Variants in OR2C1 observed in about 807,000 individuals in gnomAD.
The protein encoded by OR2C1 is olfactory receptor 2C1.
For synonymous variants in OR2C1, 209 were observed against 167.3 expected (o/e 1.25, Z -1.92); for missense variants, 468 against 388.3 (o/e 1.21, Z -1.73).
At chr16:3,325,188 G>T in the OR2C1 span, among the ~76,000 whole-genome samples, 5 of 151,684 alleles carry the variant, frequency 3.3e-5, no homozygotes, top group Admixed American at 3.3e-4. Context: ...CACCATGTTG[G>T]CCAGGCTGGT....
At chr16:3,345,842 TCCTCCCTC>T in the OR2C1 span, among the ~76,000 whole-genome samples, 2 of 117,178 alleles carry the variant, frequency 1.7e-5, no homozygotes, top group African/African-American at 3.4e-5. Flanking sequence ...CCTCCTTCCT[TCCTCCCTC>T]CCTCCCTCCC....
chr16:3,333,210 CATTTTTTTTT>C, the OR2C1 span, among the ~76,000 whole-genome samples: 1,977 of 32,864 alleles, frequency 0.06, 159 homozygotes, highest in Non-Finnish European at 0.084. Flanking sequence ...ATCTTTTGCC[CATTTTTTTTT>C]TTTTTTTTTT....
chr16:3,323,932 A>G, the OR2C1 span: 3 of 858,488 alleles, frequency 3.5e-6, no homozygotes, highest in South Asian at 1.6e-5. Context: ...CCATCTTTCT[A>G]GTGTTGTAGC....
chr16:3,356,015 G>A lies in OR2C1; in HGVS notation c.75G>A (p.Met25Ile). ...MGISDHPQLEMIFFIAILFSY... is the reference protein window; with the variant it reads ...MGISDHPQLEIIFFIAILFSY... ...TATCAGACCATCCCCAGCTGGAGAT[G>A]ATCTTTTTTATAGCCATCCTCTTCT... Residue 25 changes from methionine to isoleucine, a missense_variant, in exon 1 of 1, where the codon ATG becomes ATA. Transcript: ENST00000304936. 1 of 1,614,070 alleles carries A rather than the reference G, an allele frequency of 6.2e-7. No homozygotes were observed. Among genetic ancestry groups the A allele is most frequent in the African/African-American group, 1.3e-5 (1 of 75,024 alleles).
At chr16:3,351,479 GA>G (rs959884290), upstream of OR2C1, among the ~76,000 whole-genome samples, 2 of 151,872 alleles carry the variant, frequency 1.3e-5, no homozygotes, top group South Asian at 2.1e-4. Context: ...AATGGTCTGA[GA>G]AAAAAATAAT....
At chr16:3,345,476 A>T in the OR2C1 span, among the ~76,000 whole-genome samples, 1 of 111,948 alleles carries the variant, frequency 8.9e-6, no homozygotes, top group African/African-American at 3.6e-5. Flanking sequence ...ACAGAGTGAG[A>T]CTCTGTCTCA....
At chr16:3,330,692 ATATT>A in the OR2C1 span, among the ~76,000 whole-genome samples, 1 of 152,160 alleles carries the variant, frequency 6.6e-6, no homozygotes, top group African/African-American at 2.4e-5. Flanking sequence ...GTCACATTAA[ATATT>A]TATATTTTCT....
the OR2C1 span, among the ~76,000 whole-genome samples, chr16:3,332,354 C>G: frequency 6.6e-6 from 1 of 152,036 alleles, no homozygotes; most frequent in African/African-American, 2.4e-5. Context: ...ACTCAGCCTC[C>G]CAAAGCGCTG....
chr16:3,331,697 T>C, the OR2C1 span, among the ~76,000 whole-genome samples: 4 of 152,250 alleles, frequency 2.6e-5, no homozygotes, highest in East Asian at 1.9e-4. Flanking sequence ...CAGATAGTTG[T>C]AGATTTGACC....
At chr16:3,335,520 CTTTTTTT>C in the OR2C1 span, among the ~76,000 whole-genome samples, 538 of 55,518 alleles carry the variant, frequency 9.7e-3, 3 homozygotes, top group African/African-American at 0.038. Flanking sequence ...AATGCTACTG[CTTTTTTT>C]TTTTTTTTTT....
chr16:3,344,727 CAA>C, the OR2C1 span, among the ~76,000 whole-genome samples: 1 of 151,298 alleles, frequency 6.6e-6, no homozygotes, highest in African/African-American at 2.4e-5. Context: ...GACTCTGTCT[CAA>C]AAAAAAAATT....
the OR2C1 span, among the ~76,000 whole-genome samples, chr16:3,325,224 A>C: frequency 3.9e-5 from 6 of 152,010 alleles, no homozygotes; most frequent in Admixed American, 1.3e-4. Context: ...TCAACCGATT[A>C]GCCACCCTCA....
At chr16:3,336,789 A>G in the OR2C1 span, among the ~76,000 whole-genome samples, 13 of 138,688 alleles carry the variant, frequency 9.4e-5, no homozygotes, top group Non-Finnish European at 1.7e-4. Flanking sequence ...GCTCACTGCA[A>G]CCTCCGTCTC....
upstream of OR2C1, among the ~76,000 whole-genome samples, chr16:3,355,567 A>C (rs754137989): frequency 6.6e-6 from 1 of 151,822 alleles, no homozygotes; most frequent in Non-Finnish European, 1.5e-5. Flanking sequence ...GGATCACTTG[A>C]GCCCAAGAGT....
chr16:3,351,558 C>T (rs745985354), upstream of OR2C1, among the ~76,000 whole-genome samples: 1 of 152,182 alleles, frequency 6.6e-6, no homozygotes, highest in Non-Finnish European at 1.5e-5. Context: ...CTTGGCCATA[C>T]TTCATAGGAC....
At chr16:3,345,122 A>G in the OR2C1 span, among the ~76,000 whole-genome samples, 1 of 152,124 alleles carries the variant, frequency 6.6e-6, no homozygotes, top group African/African-American at 2.4e-5. Context: ...AACAACCTGG[A>G]CGTACCTTTG....
rs1158379126 is a variant in OR2C1 at position 3,356,550 on chromosome 16, A to G, written c.610A>G (p.Thr204Ala). 2.5e-6 allele frequency: 4 copies of G among 1,614,012 alleles called. No homozygotes were observed. The East Asian group carries it at 6.7e-5, about 27-fold the overall frequency. Residue 204 changes from threonine (T) to alanine (A), a missense_variant, in exon 1 of 1, where the codon ACC (threonine) becomes GCC (alanine). Thr to Ala is a moderately conservative substitution (Grantham distance 58, BLOSUM62 0). Transcript: ENST00000304936. Reference sequence around the variant, plus strand: ...CCAGGCTGTGCTCAATGGTGTCTGCACCTTCTTCACTGCAGTCCCACTAAG... The same window carrying G: ...CCAGGCTGTGCTCAATGGTGTCTGCGCCTTCTTCACTGCAGTCCCACTAAG... ...LNQAVLNGVC[T>A]FFTAVPLSII...
upstream of OR2C1, among the ~76,000 whole-genome samples, chr16:3,351,479 G>C (rs867271039): frequency 4.0e-5 from 6 of 151,872 alleles, no homozygotes; most frequent in African/African-American, 9.7e-5. Flanking sequence ...AATGGTCTGA[G>C]AAAAAAATAA....
At chr16:3,338,135 C>A in the OR2C1 span, among the ~76,000 whole-genome samples, 1 of 152,152 alleles carries the variant, frequency 6.6e-6, no homozygotes, top group South Asian at 2.1e-4. Context: ...CCAGAGCACC[C>A]GTGGAATGCA....
Sources: gnomAD v4.1 joint callset for allele counts (sites outside exome capture counted in the v4.1 genomes callset) on GRCh38, gnomAD v4.1.1 for gene constraint, MANE v1.5 for transcripts, NCBI Gene and HGNC (gene_info 2026-07-23, HGNC 2026-07-21) for gene names.